The following SORCS3 variants were observed in gnomAD, a reference collection of about 807,000 sequenced individuals.
The protein encoded by SORCS3 is sortilin related VPS10 domain containing receptor 3.
SORCS3 carries 57 observed loss-of-function variants against 146.3 expected under a neutral mutation model. That is an observed-to-expected ratio of 0.39 (90% CI 0.31 to 0.49). The LOEUF is 0.49. Among genes scored for constraint, SORCS3 ranks in the 20% least tolerant of loss-of-function variants. The pLI, the probability that SORCS3 is intolerant of heterozygous loss-of-function variation, is 0.92. For synonymous variants in SORCS3, 653 were observed against 618.5 expected (o/e 1.06, Z -0.83); for missense variants, 1,341 against 1,575.5 (o/e 0.85, Z 2.52).
intron 3 of SORCS3, among the ~76,000 whole-genome samples, chr10:104,970,225 C>G (rs557438152): frequency 6.6e-6 from 1 of 152,210 alleles, no homozygotes; most frequent in East Asian, 1.9e-4. Flanking sequence ...TGGCTCACTG[C>G]AACCTCCACC....
At chr10:105,056,247 T>C (rs528039765) in intron 5 of SORCS3, among the ~76,000 whole-genome samples, 2 of 152,356 alleles carry the variant, frequency 1.3e-5, no homozygotes, top group African/African-American at 4.8e-5. Flanking sequence ...TCTATGTTTT[T>C]GACATTTTGG....
chr10:104,815,766 C>T (rs1413820242), intron 1 of SORCS3, among the ~76,000 whole-genome samples: 12 of 152,052 alleles, frequency 7.9e-5, no homozygotes, highest in Non-Finnish European at 4.4e-5. Flanking sequence ...CTCATTAATA[C>T]CAAGTGCCAG....
chr10:104,912,356 G>A (rs1163838557), intron 2 of SORCS3, among the ~76,000 whole-genome samples: 2 of 152,196 alleles, frequency 1.3e-5, no homozygotes, highest in Non-Finnish European at 2.9e-5. Flanking sequence ...TAATAAAAAT[G>A]CAAATGACAG....
rs182048006 is a variant in SORCS3 at position 104,882,480 on chromosome 10, A to G, written c.696-33353A>G. Among the ~76,000 whole-genome samples, 541 of 152,296 alleles carry G rather than the reference A, an allele frequency of 3.6e-3. 2 individuals carry two copies. The highest frequency in any genetic ancestry group is 0.018 in the South Asian group (87 of 4,814). ...AGAATGCTTAAGGTTTTGAAGGGCA[A>G]TTCTGATAAATATAGTCTCATTGTT... On this transcript the variant is annotated intron_variant, in intron 2 of 26. Transcript: ENST00000369701.
intron 3 of SORCS3, among the ~76,000 whole-genome samples, chr10:104,940,767 G>C (rs2019313018): frequency 6.6e-6 from 1 of 152,134 alleles, no homozygotes; most frequent in East Asian, 1.9e-4. Context: ...AACATTCCAT[G>C]CTCATGGATA....
intron 1 of SORCS3, among the ~76,000 whole-genome samples, chr10:104,839,216 C>G (rs2018107998): frequency 6.6e-6 from 1 of 152,172 alleles, no homozygotes; most frequent in South Asian, 2.1e-4. Flanking sequence ...GAGAAGGCCA[C>G]TCATGTAACG....
chr10:105,034,685 A>AT lies in SORCS3; in HGVS notation c.955-8369dup, dbSNP rs1331663387. ...AAGGTTTGATCATCCAAAGATACAA[A>AT]TGTCCTTTGAAATTGGAGGCAAAGT... On this transcript the variant is annotated intron_variant, in intron 4 of 26. Transcript: ENST00000369701. 3.3e-5 allele frequency among the ~76,000 whole-genome samples: 5 copies of AT among 152,322 alleles called. No homozygotes were observed. The East Asian group carries it at 9.6e-4, about 29-fold the overall frequency.
chr10:105,202,158 A>G (rs576596119), intron 16 of SORCS3, among the ~76,000 whole-genome samples: 1 of 152,294 alleles, frequency 6.6e-6, no homozygotes, highest in East Asian at 1.9e-4. Flanking sequence ...AGCAACCGAG[A>G]TGGTATTTTA....
intron 1 of SORCS3, among the ~76,000 whole-genome samples, chr10:104,778,903 G>A (rs949862086): frequency 5.4e-5 from 8 of 149,154 alleles, no homozygotes; most frequent in African/African-American, 1.9e-4. Flanking sequence ...GACTTCCTGT[G>A]GATGTTACCC....
At chr10:105,199,143 T>A (rs1054354952) in intron 14 of SORCS3, among the ~76,000 whole-genome samples, 1 of 152,144 alleles carries the variant, frequency 6.6e-6, no homozygotes, top group Non-Finnish European at 1.5e-5. Context: ...CGCAGCATGA[T>A]CGGTCTCCCC....
At chr10:104,708,396 C>T (rs2016371981) in intron 1 of SORCS3, among the ~76,000 whole-genome samples, 1 of 152,166 alleles carries the variant, frequency 6.6e-6, no homozygotes, top group Non-Finnish European at 1.5e-5. Flanking sequence ...CAGCCTTAGT[C>T]CTGGCCCTCC....
chr10:104,882,031 T>A (rs944234013), intron 2 of SORCS3, among the ~76,000 whole-genome samples: 1 of 152,214 alleles, frequency 6.6e-6, no homozygotes, highest in Non-Finnish European at 1.5e-5. Context: ...GGTGATGAGC[T>A]GCTCAGTGGA....
intron 1 of SORCS3, among the ~76,000 whole-genome samples, chr10:104,784,729 C>T (rs551008740): frequency 6.6e-6 from 1 of 152,296 alleles, no homozygotes; most frequent in African/African-American, 2.4e-5. Flanking sequence ...TCTTGTCCTC[C>T]CTTCCTGGAA....
chr10:105,178,571 G>A (rs1230589091), intron 14 of SORCS3, among the ~76,000 whole-genome samples: 9 of 151,922 alleles, frequency 5.9e-5, no homozygotes, highest in African/African-American at 2.2e-4. Flanking sequence ...CAGAAATATT[G>A]TAAGAGATGT....
chr10:104,814,250 G>A (rs2017772048), intron 1 of SORCS3, among the ~76,000 whole-genome samples: 1 of 152,064 alleles, frequency 6.6e-6, no homozygotes, highest in Non-Finnish European at 1.5e-5. Flanking sequence ...TACCTGCAGT[G>A]AGTAGTATTA....
chr10:104,907,261 T>A (rs1337959660), intron 2 of SORCS3, among the ~76,000 whole-genome samples: 2 of 152,172 alleles, frequency 1.3e-5, no homozygotes, highest in East Asian at 3.8e-4. Context: ...GGCCTGTTTG[T>A]GCACTTTCTT....
rs907737068 is a variant in SORCS3 at position 105,127,813 on chromosome 10, T to C, written c.1213-11584T>C. The stretch of plus-strand genomic sequence containing the variant: ...GAAAAGATGAACTCCAACTGGGAAA[T>C]TGGGGTTAGGGGAGCTTAGTTAAGG... On this transcript the variant is annotated intron_variant, in intron 7 of 26. Coordinates refer to ENST00000369701, the MANE Select transcript of SORCS3 (RefSeq NM_014978.3). Among the ~76,000 whole-genome samples the C allele has an allele frequency of 3.9e-5, 6 of 151,926 alleles. No individual in the cohort carries two copies. The South Asian group carries it at 8.3e-4, about 21-fold the overall frequency.
intron 16 of SORCS3, among the ~76,000 whole-genome samples, chr10:105,203,426 T>G (rs769682124): frequency 1.7e-4 from 26 of 152,172 alleles, no homozygotes; most frequent in Non-Finnish European, 3.1e-4. Flanking sequence ...TTCAGAATAT[T>G]AATTTTAGGC....
At chr10:105,078,805 G>T (rs1245592739) in intron 5 of SORCS3, among the ~76,000 whole-genome samples, 1 of 152,142 alleles carries the variant, frequency 6.6e-6, no homozygotes, top group Non-Finnish European at 1.5e-5. Context: ...AAAATTTGAG[G>T]CATAGAAAAG....
Sources: allele counts gnomAD v4.1 joint callset (sites outside exome capture counted in the v4.1 genomes callset), GRCh38; gene constraint gnomAD v4.1.1; transcripts MANE v1.5; gene names NCBI Gene and HGNC (gene_info 2026-07-23, HGNC 2026-07-21).